The following CNTNAP5 variants were observed in gnomAD, a reference collection of about 807,000 sequenced individuals.
The protein encoded by CNTNAP5 is contactin-associated protein-like 5.
A neutral mutation model predicts 150.2 loss-of-function variants in CNTNAP5; 72 were observed. That is an observed-to-expected ratio of 0.48 (90% CI 0.40 to 0.58). The LOEUF is 0.58. Among genes scored for constraint, CNTNAP5 ranks in the 20% least tolerant of loss-of-function variants. CNTNAP5 has a pLI of 0.00. For missense variants in CNTNAP5, 1,636 were observed against 1,626.2 expected (o/e 1.01, Z -0.10); for synonymous variants, 672 against 619.8 (o/e 1.08, Z -1.25).
intron 16 of CNTNAP5, among the ~76,000 whole-genome samples, chr2:124,772,385 A>C (rs1009730161): frequency 2.8e-4 from 42 of 152,282 alleles, no homozygotes; most frequent in Non-Finnish European, 5.4e-4. Context: ...GCATTAGTAA[A>C]ATAAGGAGGA....
At chr2:124,646,640 T>C (rs1055692553) in intron 12 of CNTNAP5, among the ~76,000 whole-genome samples, 3 of 152,226 alleles carry the variant, frequency 2.0e-5, no homozygotes, top group African/African-American at 7.2e-5. Context: ...CCAATTGCAG[T>C]AAATGTTTTA....
chr2:124,139,123 T>A (rs1429971269), intron 1 of CNTNAP5, among the ~76,000 whole-genome samples: 1 of 152,100 alleles, frequency 6.6e-6, no homozygotes, highest in African/African-American at 2.4e-5. Flanking sequence ...TGGAGTTTTT[T>A]TTTCCCCCAT....
chr2:124,916,830 A>G lies in CNTNAP5; in HGVS notation c.*2542A>G, dbSNP rs1558825907. On this transcript the variant is annotated 3_prime_UTR_variant, in exon 24 of 24. Transcript: ENST00000682447. ...ACAGTGCCGTCTACACGTCACTCCT[A>G]TAAGTAGTCTCAGGGCTAAAGCAGA... Among the ~76,000 whole-genome samples, 1 of 152,068 alleles carries G rather than the reference A, an allele frequency of 6.6e-6. No individual in the cohort carries two copies. The highest frequency in any genetic ancestry group is 1.5e-5 in the Non-Finnish European group (1 of 67,996).
chr2:124,524,418 G>A lies in CNTNAP5; in HGVS notation c.1443G>A (p.Val481=), dbSNP rs1478800017. 3.1e-6 allele frequency: 5 copies of A among 1,613,260 alleles called. No homozygotes were observed. Among genetic ancestry groups the A allele is most frequent in the African/African-American group, 1.3e-5 (1 of 74,926 alleles). The part of the protein sequence containing the change: ...AAPPAPDSTW[V]QIYSGNSYYF... ...CCCCGGCTCCAGACAGCACTTGGGT[G>A]CAGATTTATTCTGGAAATAGCTACT... Residue 481 remains valine, a synonymous_variant, in exon 9 of 24, where the codon GTG becomes GTA. Transcript: ENST00000682447.
intron 13 of CNTNAP5, among the ~76,000 whole-genome samples, chr2:124,728,010 T>C (rs1448813654): frequency 6.6e-6 from 1 of 152,108 alleles, no homozygotes; most frequent in South Asian, 2.1e-4. Context: ...GTCTTTATCA[T>C]GAAGCAATGT....
At chr2:124,026,566 G>A (rs192267954) in intron 1 of CNTNAP5, among the ~76,000 whole-genome samples, 1 of 152,290 alleles carries the variant, frequency 6.6e-6, no homozygotes, top group African/African-American at 2.4e-5. Context: ...AGAGGTTCAG[G>A]CTCAATTCCT....
intron 13 of CNTNAP5, among the ~76,000 whole-genome samples, chr2:124,659,191 TG>T (rs1177427922): frequency 6.6e-6 from 1 of 152,256 alleles, no homozygotes; most frequent in Non-Finnish European, 1.5e-5. Flanking sequence ...TTACCTAAGT[TG>T]TTTTGAAATT....
chr2:124,762,743 T>C (rs1350530310), intron 14 of CNTNAP5, among the ~76,000 whole-genome samples: 2 of 152,098 alleles, frequency 1.3e-5, no homozygotes, highest in African/African-American at 4.8e-5. Context: ...CTGGGGTAGA[T>C]ACTGGGGATA....
intron 17 of CNTNAP5, among the ~76,000 whole-genome samples, chr2:124,787,119 T>C (rs1289902741): frequency 6.6e-6 from 1 of 152,194 alleles, no homozygotes; most frequent in Non-Finnish European, 1.5e-5. Flanking sequence ...GTTGACTAAG[T>C]CACACGCAAG....
chr2:124,430,504 T>A (rs1211173159), intron 4 of CNTNAP5, among the ~76,000 whole-genome samples: 1 of 151,856 alleles, frequency 6.6e-6, no homozygotes, highest in East Asian at 1.9e-4. Flanking sequence ...CCTGGAGCAG[T>A]GTGAGGGTTG....
intron 1 of CNTNAP5, among the ~76,000 whole-genome samples, chr2:124,196,186 A>T (rs12711674): frequency 1.3e-5 from 2 of 151,924 alleles, no homozygotes; most frequent in Admixed American, 1.3e-4. Context: ...CTGATGAAGA[A>T]GAAATGGAGC....
At chr2:124,567,282 C>T (rs970828378) in intron 11 of CNTNAP5, among the ~76,000 whole-genome samples, 2 of 152,010 alleles carry the variant, frequency 1.3e-5, no homozygotes, top group South Asian at 4.2e-4. Context: ...ATGCTGCTGT[C>T]GAAAGTAGAG....
At chr2:124,430,920 G>A (rs1333358409) in intron 4 of CNTNAP5, among the ~76,000 whole-genome samples, 1 of 152,132 alleles carries the variant, frequency 6.6e-6, no homozygotes, top group East Asian at 1.9e-4. Flanking sequence ...GGGATAAAAT[G>A]TTGTTGAATG....
At chr2:124,421,372 C>T (rs539194849) in intron 4 of CNTNAP5, among the ~76,000 whole-genome samples, 2 of 152,342 alleles carry the variant, frequency 1.3e-5, no homozygotes, top group African/African-American at 4.8e-5. Flanking sequence ...TAAACAGCAG[C>T]ACTCTCCATC....
At chr2:124,245,245 G>T (rs529533357) in intron 3 of CNTNAP5, among the ~76,000 whole-genome samples, 3 of 152,130 alleles carry the variant, frequency 2.0e-5, no homozygotes, top group Non-Finnish European at 4.4e-5. Flanking sequence ...TAGGCTTTCA[G>T]GGTGTTTTAC....
At chr2:124,887,789 T>C (rs1678111464) in intron 21 of CNTNAP5, among the ~76,000 whole-genome samples, 1 of 152,056 alleles carries the variant, frequency 6.6e-6, no homozygotes, top group Non-Finnish European at 1.5e-5. Flanking sequence ...TACAGCCTGG[T>C]CTTGCAGAGC....
At chr2:124,744,231 A>C (rs1244897957) in intron 13 of CNTNAP5, among the ~76,000 whole-genome samples, 1 of 152,000 alleles carries the variant, frequency 6.6e-6, no homozygotes, top group Non-Finnish European at 1.5e-5. Flanking sequence ...TAAGTCTTAC[A>C]AGATCTGATG....
At chr2:124,599,323 A>G (rs539505424) in intron 11 of CNTNAP5, among the ~76,000 whole-genome samples, 4 of 152,134 alleles carry the variant, frequency 2.6e-5, no homozygotes, top group Non-Finnish European at 5.9e-5. Context: ...AGTTGCCTTT[A>G]TCAACAAATA....
intron 19 of CNTNAP5, among the ~76,000 whole-genome samples, chr2:124,837,194 G>T (rs1682847740): frequency 6.6e-6 from 1 of 151,178 alleles, no homozygotes; most frequent in Non-Finnish European, 1.5e-5. Context: ...AAAAAAAAAA[G>T]GTTAAATGCA....
Sources: gnomAD v4.1 joint callset for allele counts (sites outside exome capture counted in the v4.1 genomes callset) on GRCh38, gnomAD v4.1.1 for gene constraint, MANE v1.5 for transcripts, NCBI Gene and HGNC (gene_info 2026-07-23, HGNC 2026-07-21) for gene names.